OTUD7A: variants seen among roughly 807,000 people sequenced by gnomAD.
The protein encoded by OTUD7A is OTU domain-containing protein 7A.
OTUD7A carries 12 observed loss-of-function variants against 65.7 expected under a neutral mutation model. That is an observed-to-expected ratio of 0.18 (90% CI 0.12 to 0.30). The LOEUF is 0.30. Ranked by LOEUF, OTUD7A falls within the 10% of genes least tolerant of loss-of-function variation. The probability of loss-of-function intolerance (pLI) is 1.00; values close to 1 mark genes in which losing one functional copy is unlikely to be tolerated. For missense variants in OTUD7A, 1,148 were observed against 1,304.8 expected, an observed-to-expected ratio of 0.88 and a Z score of 1.85; for synonymous variants, 641 against 586.3, an observed-to-expected ratio of 1.09 and a Z score of -1.35.
chr15:31,853,939 T>C (rs771134993), intron 1 of OTUD7A, among the ~76,000 whole-genome samples: 2 of 152,198 alleles, frequency 1.3e-5, no homozygotes, highest in Non-Finnish European at 1.5e-5. Flanking sequence ...TGCAGATGCC[T>C]GAGAAAATAC....
chr15:31,480,294 C>T lies in OTUD7A; in HGVS notation c.*3000G>A, dbSNP rs556822211. 6.6e-6 allele frequency: 1 copy of T among 152,248 alleles called. No homozygotes were observed. Among genetic ancestry groups the T allele is most frequent in the Non-Finnish European group, 1.5e-5 (1 of 68,014 alleles). 9.4% of individuals were successfully genotyped at this position (152,248 alleles called of 1,614,324 possible). Reference sequence around the variant, plus strand: ...ACAATATTTTAAAAAAATCATTTACCCAGATAACAAATGTGCAGGAAATGT... The same window carrying T: ...ACAATATTTTAAAAAAATCATTTACTCAGATAACAAATGTGCAGGAAATGT... On this transcript the variant is annotated 3_prime_UTR_variant, in exon 13 of 13. Coordinates refer to ENST00000307050, the MANE Select transcript of OTUD7A (RefSeq NM_001382637.1).
intron 4 of OTUD7A, among the ~76,000 whole-genome samples, chr15:31,565,250 A>C (rs1005539062): frequency 2.6e-5 from 4 of 152,158 alleles, no homozygotes; most frequent in Non-Finnish European, 4.4e-5. Context: ...TAATTCAATA[A>C]AATAAAAAAC....
chr15:31,496,458 G>A (rs1410136413), intron 10 of OTUD7A, among the ~76,000 whole-genome samples: 2 of 152,118 alleles, frequency 1.3e-5, no homozygotes, highest in East Asian at 1.9e-4. Flanking sequence ...TCCTGACCTC[G>A]TGATCCGCCT....
At position 31,768,077 on chromosome 15, in the gene OTUD7A, T is replaced by C. The variant is rs1221419053; in HGVS notation, c.-100+102430A>G. The C allele has an allele frequency of 3.4e-5, 55 of 1,598,176 alleles. No homozygotes were observed. In the East Asian group the frequency reaches 6.9e-4, roughly 20 times the overall value. On this transcript the variant is annotated intron_variant, in intron 1 of 12. Transcript: ENST00000307050. ...CCCTGCTTCTCCTGCTGTGAAACAA[T>C]TGCCATATTTTTTAAAGTGTTGTCT...
intron 3 of OTUD7A, among the ~76,000 whole-genome samples, chr15:31,578,976 T>C (rs1311831459): frequency 6.6e-6 from 1 of 152,220 alleles, no homozygotes; most frequent in East Asian, 1.9e-4. Context: ...TCATGGGCCA[T>C]GGTCACTCAT....
chr15:31,552,325 A>G (rs978422800), intron 5 of OTUD7A, among the ~76,000 whole-genome samples: 1 of 152,222 alleles, frequency 6.6e-6, no homozygotes, highest in African/African-American at 2.4e-5. Context: ...CAAATGGGCT[A>G]TGACAATAGG....
intron 1 of OTUD7A, among the ~76,000 whole-genome samples, chr15:31,801,924 C>T (rs534635442): frequency 1.3e-5 from 2 of 151,726 alleles, no homozygotes; most frequent in South Asian, 2.1e-4. Flanking sequence ...ACATGGTGTA[C>T]GCATCTACAC....
rs916538565 is a variant in OTUD7A, at chr15:31,772,079, C to T, written c.-100+98428G>A. Among the ~76,000 whole-genome samples the T allele has an allele frequency of 2.6e-4, 40 of 151,370 alleles. 1 individual carries two copies. Among genetic ancestry groups the T allele is most frequent in the East Asian group, 1.2e-3 (6 of 5,150 alleles). ...CATCCCGGCTAAAACGGTGAAACCC[C>T]GTCTCTACTAAAAATACAAAAAATT... On this transcript the variant is annotated intron_variant, in intron 1 of 12. Transcript: ENST00000307050.
At position 31,610,593 on chromosome 15, in the gene OTUD7A, T is replaced by TTATA. The variant is rs1244768576; in HGVS notation, c.152-40400_152-40397dup. Among the ~76,000 whole-genome samples the TTATA allele has an allele frequency of 1.2e-3, 99 of 80,988 alleles. 5 individuals carry two copies. The highest frequency in any genetic ancestry group is 1.8e-3 in the East Asian group (4 of 2,174). The allele number at this position is 80,988 out of a possible 152,430, so 53.1% of individuals were successfully genotyped here. ...CTCAATAAATTTAAGAAAAATGAAA[T>TTATA]TATATATATATATATATATATATAT... On this transcript the variant is annotated intron_variant, in intron 3 of 12. Transcript: ENST00000307050.
chr15:31,848,861 GCA>G (rs1897352391), intron 1 of OTUD7A, among the ~76,000 whole-genome samples: 1 of 152,154 alleles, frequency 6.6e-6, no homozygotes, highest in African/African-American at 2.4e-5. Context: ...GCATACAAAT[GCA>G]CCAGTTGCTG....
At chr15:31,767,681 T>C in intron 1 of OTUD7A, 1 of 738,282 alleles carries the variant, frequency 1.4e-6, no homozygotes, top group South Asian at 1.4e-5. Context: ...TTCTCTATCA[T>C]CAACTGCATT....
chr15:31,623,839 C>A (rs1158886958), intron 3 of OTUD7A, among the ~76,000 whole-genome samples: 3 of 152,200 alleles, frequency 2.0e-5, no homozygotes, highest in Non-Finnish European at 4.4e-5. Flanking sequence ...GCAGAAATCA[C>A]CTGTCTTCTG....
intron 5 of OTUD7A, among the ~76,000 whole-genome samples, chr15:31,531,520 C>CAAAAAAAAAAAAAA (rs60332452): frequency 2.5e-5 from 2 of 80,164 alleles, no homozygotes; most frequent in African/African-American, 8.4e-5. Context: ...GAGTAGGCCA[C>CAAAAAAAAAAAAAA]AAAAAAAAAA....
intron 1 of OTUD7A, among the ~76,000 whole-genome samples, chr15:31,714,299 TA>T (rs1307988187): frequency 6.6e-6 from 1 of 152,184 alleles, no homozygotes; most frequent in Non-Finnish European, 1.5e-5. Flanking sequence ...ATGAATAGCG[TA>T]GTATGAATGA....
rs2041249642 is a variant in OTUD7A at position 31,487,202 on chromosome 15, C to T, written c.1363G>A (p.Glu455Lys). The T allele has an allele frequency of 3.1e-6, 5 of 1,613,650 alleles. No homozygotes were observed. Among genetic ancestry groups the T allele is most frequent in the African/African-American group, 1.3e-5 (1 of 75,022 alleles). The change falls in exon 12 of 13, where the codon GAG becomes AAG. Residue 455 changes from glutamate (E) to lysine (K), a missense_variant. By Grantham distance (56) the Glu-to-Lys change is moderately conservative (BLOSUM62 1). Transcript: ENST00000307050. The surrounding 1 kb of genome is among the most constrained non-coding windows in gnomAD (Gnocchi z 6.0). The part of the protein sequence containing the change: ...MNVTWIRIPS[E>K]TRAPLAQPES... ...AGCACAGCCAGGCTCACCCGTGTCT[C>T]GGAGGGGATCCGGATCCACGTCACG... is the stretch of plus-strand genomic sequence containing the variant.
chr15:31,589,075 T>C (rs1280058159), intron 3 of OTUD7A, among the ~76,000 whole-genome samples: 1 of 152,186 alleles, frequency 6.6e-6, no homozygotes, highest in Non-Finnish European at 1.5e-5. Flanking sequence ...GAAGGAAAGA[T>C]GGGTTTTGGA....
At chr15:31,661,246 C>T (rs191970066) in intron 1 of OTUD7A, among the ~76,000 whole-genome samples, 5 of 152,286 alleles carry the variant, frequency 3.3e-5, no homozygotes, top group Admixed American at 2.0e-4. Context: ...GTAGGATCTA[C>T]TGGGGTTTTG....
At chr15:31,784,755 G>A (rs1369276493) in intron 1 of OTUD7A, among the ~76,000 whole-genome samples, 1 of 152,152 alleles carries the variant, frequency 6.6e-6, no homozygotes, top group African/African-American at 2.4e-5. Flanking sequence ...TCCAAAAGCA[G>A]CGGGCTTTGT....
At chr15:31,494,308 C>T (rs908694423) in intron 10 of OTUD7A, among the ~76,000 whole-genome samples, 5 of 152,260 alleles carry the variant, frequency 3.3e-5, no homozygotes, top group South Asian at 4.2e-4. Context: ...GGCACGAGAG[C>T]GCTCTTCTTT....
Sources: allele counts gnomAD v4.1 joint callset (sites outside exome capture counted in the v4.1 genomes callset), GRCh38; gene constraint gnomAD v4.1.1; non-coding constraint Gnocchi (gnomAD v3.1); transcripts MANE v1.5; gene names NCBI Gene and HGNC (gene_info 2026-07-23, HGNC 2026-07-21).